The following ADAMTS14 variants were observed in gnomAD, a reference collection of about 807,000 sequenced individuals.
The protein encoded by ADAMTS14 is ADAM metallopeptidase with thrombospondin type 1 motif 14.
In ADAMTS14, 100 loss-of-function variants were observed where a neutral mutation model predicts 128.6. The ratio of observed to expected loss-of-function variants is 0.78; its 90% CI spans 0.66 to 0.92. The LOEUF is 0.92. Ranked by LOEUF, ADAMTS14 falls within the 40% of genes least tolerant of loss-of-function variation. The pLI is 0.00. For missense variants in ADAMTS14, 1,562 were observed against 1,658.6 expected, an observed-to-expected ratio of 0.94 and a Z score of 1.01; for synonymous variants, 665 against 653.8, an observed-to-expected ratio of 1.02 and a Z score of -0.26.
At chr10:70,717,904 C>A (rs907137866) in intron 4 of ADAMTS14, among the ~76,000 whole-genome samples, 2 of 152,158 alleles carry the variant, frequency 1.3e-5, no homozygotes, top group African/African-American at 4.8e-5. Context: ...AGCACCTCTG[C>A]CAATTGTAGG....
At chr10:70,724,353 G>A (rs145317356) in intron 4 of ADAMTS14, among the ~76,000 whole-genome samples, 25 of 152,330 alleles carry the variant, frequency 1.6e-4, no homozygotes, top group Middle Eastern at 3.4e-3. Context: ...GTTCTGCCCT[G>A]TGGGTGTGCC....
intron 2 of ADAMTS14, among the ~76,000 whole-genome samples, chr10:70,675,640 C>T (rs1246270315): frequency 6.6e-6 from 1 of 152,230 alleles, no homozygotes; most frequent in East Asian, 1.9e-4. Context: ...CTAGGACCCC[C>T]ACTGCTTCCG....
At chr10:70,706,850 G>A (rs1036069925) in intron 3 of ADAMTS14, among the ~76,000 whole-genome samples, 7 of 152,262 alleles carry the variant, frequency 4.6e-5, no homozygotes, top group Non-Finnish European at 1.5e-5. Flanking sequence ...GAGCACCCGT[G>A]TGGGTAGCAG....
chr10:70,743,436 C>A, intron 12 of ADAMTS14, 112 bp from the exon 13 acceptor site: 5 of 1,334,808 alleles, frequency 3.7e-6, no homozygotes, highest in Non-Finnish European at 5.0e-6. Context: ...CAGTGCTCCC[C>A]CAACTGTCCA....
chr10:70,760,368 T>C lies in ADAMTS14; in HGVS notation c.3187T>C (p.Cys1063Arg), dbSNP rs1329038531. ...TTGTGCTGTGTGTGCAGCGGAGCCC[T>C]GCACGGGAGACAGGTCTGTCTTCTG... is the stretch of plus-strand genomic sequence containing the variant. ...PINKISSTEP[C>R]TGDRSVFCQM... Residue 1063 changes from cysteine to arginine, a missense_variant, in exon 22 of 22, where the codon TGC (cysteine) becomes CGC (arginine). Physicochemically the swap from Cys to Arg is radical, Grantham distance 180 (BLOSUM62 -3). Coordinates refer to ENST00000373207, the MANE Select transcript of ADAMTS14 (RefSeq NM_080722.4). The C allele has an allele frequency of 1.3e-6, 2 of 1,572,054 alleles. No individual in the cohort carries two copies. Among genetic ancestry groups the C allele is most frequent in the Non-Finnish European group, 1.7e-6 (2 of 1,158,674 alleles).
At position 70,760,684 on chromosome 10, in the gene ADAMTS14, C is replaced by G. The variant is rs1464243994; in HGVS notation, c.3503C>G (p.Pro1168Arg). 1 of 1,614,086 alleles carries G rather than the reference C, an allele frequency of 6.2e-7. No homozygotes were observed. Among genetic ancestry groups the G allele is most frequent in the African/African-American group, 1.3e-5 (1 of 74,938 alleles). ...SSPGTQHPFAPETPIPGASWS... is the reference protein window; with the variant it reads ...SSPGTQHPFARETPIPGASWS... Reference sequence around the variant, plus strand: ...CCAGGGACCCAGCATCCCTTTGCCCCTGAGACACCAATCCCTGGAGCATCC... The same window carrying G: ...CCAGGGACCCAGCATCCCTTTGCCCGTGAGACACCAATCCCTGGAGCATCC... Residue 1168 changes from proline to arginine, a missense_variant, in exon 22 of 22, where the codon CCT (proline) becomes CGT (arginine). Coordinates refer to ENST00000373207, the MANE Select transcript of ADAMTS14 (RefSeq NM_080722.4).
chr10:70,756,016 A>T (rs1215071331), intron 19 of ADAMTS14, among the ~76,000 whole-genome samples: 5 of 152,238 alleles, frequency 3.3e-5, no homozygotes, highest in Admixed American at 2.6e-4. Context: ...TGGTCTGTTC[A>T]TATAATACAG....
intron 4 of ADAMTS14, among the ~76,000 whole-genome samples, chr10:70,727,829 C>T (rs1841492610): frequency 1.3e-5 from 2 of 151,934 alleles, no homozygotes; most frequent in South Asian, 4.2e-4. Flanking sequence ...GGCGCGGTGG[C>T]TCACGCCTGT....
chr10:70,680,167 T>C (rs975536740), intron 2 of ADAMTS14, among the ~76,000 whole-genome samples: 6 of 152,150 alleles, frequency 3.9e-5, no homozygotes, highest in African/African-American at 9.7e-5. Flanking sequence ...TTTGGGAGGC[T>C]GAGGCAGGTG....
chr10:70,734,193 A>G (rs374560970), intron 8 of ADAMTS14, among the ~76,000 whole-genome samples, 165 bp downstream of exon 8: 5 of 152,272 alleles, frequency 3.3e-5, no homozygotes, highest in African/African-American at 7.2e-5. Flanking sequence ...CCCCATTAGC[A>G]TAGCAGGTGG....
rs1840517792 is a variant in ADAMTS14, at chr10:70,702,301, C to G, written c.523-11C>G. ...TTCTCTCTTTCCCGCTGCTTGCCGTCCCTGGTTCAGGCGGGCCTCATCCGC... is the reference window on the plus strand; with the variant it reads ...TTCTCTCTTTCCCGCTGCTTGCCGTGCCTGGTTCAGGCGGGCCTCATCCGC... On this transcript the variant is annotated splice_polypyrimidine_tract_variant and intron_variant, in intron 2 of 21. Coordinates refer to ENST00000373207, the MANE Select transcript of ADAMTS14 (RefSeq NM_080722.4). 6.2e-7 allele frequency: 1 copy of G among 1,614,008 alleles called. No individual in the cohort carries two copies. The highest frequency in any genetic ancestry group is 8.5e-7 in the Non-Finnish European group (1 of 1,180,032).
intron 8 of ADAMTS14, among the ~76,000 whole-genome samples, chr10:70,734,863 T>C (rs1364884344): frequency 2.6e-5 from 4 of 152,210 alleles, no homozygotes; most frequent in Non-Finnish European, 4.4e-5. Context: ...GGCCATATCG[T>C]GTCCCTCTAA....
rs774002711 is a variant in ADAMTS14 at position 70,730,098 on chromosome 10, G to C, written c.955-4G>C. The C allele has an allele frequency of 1.9e-6, 3 of 1,591,320 alleles. No individual in the cohort carries two copies. The highest frequency in any genetic ancestry group is 1.7e-6 in the Non-Finnish European group (2 of 1,169,746). ...GGCTGTTGGTGCTCTCCCGGCCCCT[G>C]CAGTCCCTGAGCCTGATCGAGCGCG... is the stretch of plus-strand genomic sequence containing the variant. On this transcript the variant is annotated splice_polypyrimidine_tract_variant and splice_region_variant and intron_variant, in intron 5 of 21. Coordinates refer to ENST00000373207, the MANE Select transcript of ADAMTS14 (RefSeq NM_080722.4).
chr10:70,734,860 T>G (rs889451505), intron 8 of ADAMTS14, among the ~76,000 whole-genome samples: 3 of 152,210 alleles, frequency 2.0e-5, no homozygotes, highest in Non-Finnish European at 4.4e-5. Flanking sequence ...CTTGGCCATA[T>G]CGTGTCCCTC....
At chr10:70,699,371 G>A (rs1049808189) in intron 2 of ADAMTS14, among the ~76,000 whole-genome samples, 2 of 152,144 alleles carry the variant, frequency 1.3e-5, no homozygotes, top group Admixed American at 1.3e-4. Flanking sequence ...TAATAACAAT[G>A]ATAAGAAAAC....
intron 2 of ADAMTS14, among the ~76,000 whole-genome samples, chr10:70,692,001 T>G (rs1840205950): frequency 6.6e-6 from 1 of 152,174 alleles, no homozygotes; most frequent in Admixed American, 6.5e-5. Context: ...TTCCACTGTT[T>G]GAAAGCCTCC....
chr10:70,674,483 C>T (rs1007581138), intron 1 of ADAMTS14, 73 bp from the exon 2 acceptor site: 13 of 1,462,056 alleles, frequency 8.9e-6, no homozygotes, highest in African/African-American at 6.9e-5. Flanking sequence ...CCTCCCTGCC[C>T]GCGTGGGATT....
At chr10:70,737,724 A>G (rs536649999) in intron 10 of ADAMTS14, among the ~76,000 whole-genome samples, 1 of 152,230 alleles carries the variant, frequency 6.6e-6, no homozygotes, top group East Asian at 1.9e-4. Context: ...AAGTTTTCCC[A>G]GGTGTTTTCA....
At chr10:70,757,524 A>G (rs189364979) in intron 19 of ADAMTS14, among the ~76,000 whole-genome samples, 528 of 152,132 alleles carry the variant, frequency 3.5e-3, no homozygotes, top group Middle Eastern at 6.8e-3. Context: ...CATCACATCA[A>G]TCCACCTGCC....
Sources: gnomAD v4.1 joint callset for allele counts (sites outside exome capture counted in the v4.1 genomes callset) on GRCh38, gnomAD v4.1.1 for gene constraint, MANE v1.5 for transcripts, NCBI Gene and HGNC (gene_info 2026-07-23, HGNC 2026-07-21) for gene names.